The following FOXN2 variants were observed in gnomAD, a reference collection of about 807,000 sequenced individuals.
The protein encoded by FOXN2 is forkhead box protein N2.
FOXN2 carries 19 observed loss-of-function variants against 41.2 expected under a neutral mutation model. That is an observed-to-expected ratio of 0.46 (90% confidence interval 0.32 to 0.68). FOXN2 has a LOEUF of 0.68. Ranked by LOEUF, FOXN2 falls within the 30% of genes least tolerant of loss-of-function variation. The probability of loss-of-function intolerance (pLI) is 0.03; values close to 1 mark genes in which losing one functional copy is unlikely to be tolerated. For synonymous variants in FOXN2, 195 were observed against 176.8 expected, an observed-to-expected ratio of 1.10 and a Z score of -0.82; for missense variants, 587 against 509.4, an observed-to-expected ratio of 1.15 and a Z score of -1.47.
chr2:48,353,878 T>A (rs1452798084), intron 3 of FOXN2, among the ~76,000 whole-genome samples: 1 of 152,186 alleles, frequency 6.6e-6, no homozygotes, highest in East Asian at 1.9e-4. Flanking sequence ...TATTTCATAA[T>A]TATTTTATGT....
chr2:48,338,054 T>C (rs1670482536), intron 2 of FOXN2, among the ~76,000 whole-genome samples: 3 of 152,316 alleles, frequency 2.0e-5, no homozygotes, highest in South Asian at 2.1e-4. Context: ...AAATTAATCA[T>C]GTACTGGGCC....
intron 1 of FOXN2, among the ~76,000 whole-genome samples, chr2:48,322,605 AT>A (rs1468913767): frequency 2.6e-5 from 4 of 150,946 alleles, no homozygotes; most frequent in Non-Finnish European, 4.4e-5. Context: ...TATCCAATAC[AT>A]TTTTTTCGTA....
At chr2:48,340,947 T>C (rs1323017935) in intron 2 of FOXN2, 1 of 152,222 alleles carries the variant, frequency 6.6e-6, no homozygotes, top group Non-Finnish European at 1.5e-5. Context: ...TTTATCTACT[T>C]TTTTGGATAG....
At chr2:48,350,531 C>T (rs1671382128) in intron 3 of FOXN2, among the ~76,000 whole-genome samples, 1 of 152,152 alleles carries the variant, frequency 6.6e-6, no homozygotes, top group Non-Finnish European at 1.5e-5. Context: ...ACAGCTTTTG[C>T]TTTGTTTTAG....
intron 3 of FOXN2, 38 bp downstream of exon 3, chr2:48,346,789 G>T (rs1276011222): frequency 6.7e-7 from 1 of 1,495,382 alleles, no homozygotes. Context: ...TGGTGAGGTG[G>T]GGGGACTAAT....
At chr2:48,323,478 CTGA>C (rs1179636958) in intron 1 of FOXN2, among the ~76,000 whole-genome samples, 3 of 152,076 alleles carry the variant, frequency 2.0e-5, no homozygotes, top group Admixed American at 6.6e-5. Flanking sequence ...TTGCATTTAT[CTGA>C]TGATTAGTGA....
chr2:48,357,262 A>G (rs1671855633), intron 3 of FOXN2, among the ~76,000 whole-genome samples: 2 of 152,192 alleles, frequency 1.3e-5, no homozygotes, highest in Admixed American at 6.5e-5. Context: ...TTTCAAGGAA[A>G]TAGCAACTCT....
At chr2:48,315,920 C>CT (rs1668881853) in intron 1 of FOXN2, among the ~76,000 whole-genome samples, 1 of 152,214 alleles carries the variant, frequency 6.6e-6, no homozygotes, top group Non-Finnish European at 1.5e-5. Context: ...TGACCACAGA[C>CT]TTTCTTTCTC....
chr2:48,339,761 T>C (rs1670616864), intron 2 of FOXN2, among the ~76,000 whole-genome samples: 1 of 152,228 alleles, frequency 6.6e-6, no homozygotes, highest in Non-Finnish European at 1.5e-5. Context: ...TCTTGACATA[T>C]GTTCAACTTT....
Position 48,375,194 on chromosome 2 carries a change from T to C in FOXN2, c.1047T>C (p.Ser349=). ...GTGATGGCAGTGAAGGATTTCACAG[T>C]GAAGAAGATACAGACGTTGATTATG... ...VGSDGSEGFH[S]EEDTDVDYED... Residue 349 remains serine (S), a synonymous_variant, in exon 7 of 7, where the codon AGT becomes AGC. Transcript: ENST00000340553. 6.2e-7 allele frequency: 1 copy of C among 1,614,146 alleles called. No homozygotes were observed.
chr2:48,349,965 A>G (rs986690327), intron 3 of FOXN2, among the ~76,000 whole-genome samples: 4 of 152,248 alleles, frequency 2.6e-5, no homozygotes, highest in African/African-American at 7.2e-5. Context: ...CAGAAGAAGA[A>G]GAGTCTGCAT....
rs1669840144 is a variant in FOXN2 at position 48,328,710 on chromosome 2, T to C, written c.-15+8T>C. On this transcript the variant is annotated splice_region_variant and intron_variant, in intron 2 of 6. Coordinates refer to ENST00000340553, the MANE Select transcript of FOXN2 (RefSeq NM_002158.4). ...TACTTCTGATTCTAGATGGTAAGTA[T>C]ATTTTTCTCCTTTAATTATTATTTT... 6.6e-6 allele frequency: 1 copy of C among 152,222 alleles called. No homozygotes were observed. The highest frequency in any genetic ancestry group is 2.4e-5 in the African/African-American group (1 of 41,458). The allele number at this position is 152,222 out of a possible 1,614,324, so 9.4% of individuals were successfully genotyped here.
chr2:48,321,987 TGCCCAGCCTGGA>T (rs1207143630), intron 1 of FOXN2, among the ~76,000 whole-genome samples: 2 of 152,196 alleles, frequency 1.3e-5, no homozygotes, highest in Non-Finnish European at 2.9e-5. Context: ...CTTGCTTTGT[TGCCCAGCCTGGA>T]GCACAGTGGC....
At chr2:48,370,880 C>T (rs924723494) in intron 5 of FOXN2, among the ~76,000 whole-genome samples, 4 of 152,052 alleles carry the variant, frequency 2.6e-5, no homozygotes, top group African/African-American at 9.7e-5. Flanking sequence ...AGACCAATGT[C>T]CTGAAGTGTT....
Position 48,375,159 on chromosome 2 carries a change from C to G in FOXN2, c.1012C>G (p.His338Asp). The change falls in exon 7 of 7, where the codon CAC (histidine) becomes GAC (aspartate). Residue 338 changes from histidine (H) to aspartate (D), a missense_variant. Coordinates refer to ENST00000340553, the MANE Select transcript of FOXN2 (RefSeq NM_002158.4). ...ATATGAATTTATCCCAAAGAATAGT[C>G]ACGTGGGAAGTGATGGCAGTGAAGG... ...EVYEFIPKNS[H>D]VGSDGSEGFH... The G allele has an allele frequency of 6.2e-7, 1 of 1,614,060 alleles. No individual in the cohort carries two copies. Among genetic ancestry groups the G allele is most frequent in the Non-Finnish European group, 8.5e-7 (1 of 1,179,980 alleles).
chr2:48,364,619 A>G lies in FOXN2; in HGVS notation c.703+1912A>G, dbSNP rs370189960. On this transcript the variant is annotated intron_variant, in intron 5 of 6. Transcript: ENST00000340553. The stretch of plus-strand genomic sequence containing the variant: ...GATTGAATTTTTTAGTAATATCAGT[A>G]GAGTTATTACCTTTTCAGGTCTATC... Among the ~76,000 whole-genome samples, 112 of 152,342 alleles carry G rather than the reference A, an allele frequency of 7.4e-4. 1 individual carries two copies. The South Asian group carries it at 0.021, about 28-fold the overall frequency.
intron 1 of FOXN2, among the ~76,000 whole-genome samples, chr2:48,326,893 C>CA (rs886750915): frequency 6.6e-6 from 1 of 152,086 alleles, no homozygotes; most frequent in Admixed American, 6.5e-5. Context: ...TCCAAAGTCC[C>CA]AAAAAATCCC....
At chr2:48,348,699 A>G (rs1348436990) in intron 3 of FOXN2, among the ~76,000 whole-genome samples, 1 of 152,254 alleles carries the variant, frequency 6.6e-6, no homozygotes, top group Non-Finnish European at 1.5e-5. Context: ...TTGTGGTTGC[A>G]GTAATTACCA....
In FOXN2 at chr2:48,362,083, A is replaced by T. The variant is rs1167988209; in HGVS notation, c.639-560A>T. Among the ~76,000 whole-genome samples the T allele has an allele frequency of 2.0e-5, 3 of 152,234 alleles. No homozygotes were observed. In the East Asian group the frequency reaches 5.8e-4, roughly 29 times the overall value. On this transcript the variant is annotated intron_variant, in intron 4 of 6. Coordinates refer to ENST00000340553, the MANE Select transcript of FOXN2 (RefSeq NM_002158.4). ...AGATTTAATTATTCCTATTTTACAG[A>T]TGAAGAAGCTAAGAGATTAATTATT...
Sources: allele counts gnomAD v4.1 joint callset (sites outside exome capture counted in the v4.1 genomes callset), GRCh38; gene constraint gnomAD v4.1.1; transcripts MANE v1.5; gene names NCBI Gene and HGNC (gene_info 2026-07-23, HGNC 2026-07-21).